The following CSPP1 variants were observed in gnomAD, a reference collection of about 807,000 sequenced individuals.
The protein encoded by CSPP1 is centrosome and spindle pole associated protein 1.
Under a neutral mutation model 164.4 loss-of-function variants are expected in CSPP1, and 126 were observed. The ratio of observed to expected loss-of-function variants is 0.77; its 90% CI spans 0.66 to 0.89. The LOEUF (loss-of-function observed/expected upper bound fraction) is 0.89. Ranked by LOEUF, CSPP1 falls within the 40% of genes least tolerant of loss-of-function variation. The pLI is 0.00. For missense variants in CSPP1, 1,395 were observed against 1,449.8 expected, an observed-to-expected ratio of 0.96 and a Z score of 0.61; for synonymous variants, 472 against 476.7, an observed-to-expected ratio of 0.99 and a Z score of 0.13.
chr8:67,085,473 A>C (rs2129543410), intron 3 of CSPP1, among the ~76,000 whole-genome samples: 1 of 152,236 alleles, frequency 6.6e-6, no homozygotes, highest in South Asian at 2.1e-4. Context: ...TGCTAAAAAA[A>C]ATCATGTTAT....
At chr8:67,184,485 C>G (rs1272234473) in intron 28 of CSPP1, among the ~76,000 whole-genome samples, 1 of 152,076 alleles carries the variant, frequency 6.6e-6, no homozygotes, top group Non-Finnish European at 1.5e-5. Flanking sequence ...CACCTGTAAT[C>G]CCAGTACTTT....
At chr8:67,163,640 C>G (rs1828787911) in intron 22 of CSPP1, 92 bp from the exon 23 acceptor site, 1 of 907,392 alleles carries the variant, frequency 1.1e-6, no homozygotes, top group Non-Finnish European at 1.7e-6. Context: ...GTTTGGTTTC[C>G]TTTACATATA....
At chr8:67,165,407 T>C (rs1209743553) in intron 24 of CSPP1, among the ~76,000 whole-genome samples, 1 of 152,238 alleles carries the variant, frequency 6.6e-6, no homozygotes, top group Non-Finnish European at 1.5e-5. Flanking sequence ...ATTAGAACAT[T>C]ACTATGAACT....
intron 11 of CSPP1, 170 bp downstream of exon 11, chr8:67,114,032 T>C (rs1341670930): frequency 2.1e-5 from 10 of 481,304 alleles, no homozygotes; most frequent in Non-Finnish European, 3.4e-5. Flanking sequence ...TTAACTGTTA[T>C]TTCCTTGAGG....
In CSPP1 at chr8:67,149,947, C is replaced by CT. The variant is rs11296619; in HGVS notation, c.2128+36dup. On this transcript the variant is annotated intron_variant, in intron 18 of 30. Transcript: ENST00000678616. ...AAATAAAAGCTCAGGTTTTTAATCA[C>CT]TTTTTTTTTTTTTTTTTTTTTTTTA... The CT allele has an allele frequency of 5.3e-3, 5,980 of 1,132,200 alleles. No homozygotes were observed. The highest frequency in any genetic ancestry group is 7.2e-3 in the South Asian group (328 of 45,452). The allele number at this position is 1,132,200 out of a possible 1,614,324, so 70.1% of individuals were successfully genotyped here. A position where few individuals can be genotyped will look rare whatever the true frequency, so the allele number is the denominator to read the frequency against.
At chr8:67,156,065 C>T (rs1017869738) in intron 19 of CSPP1, among the ~76,000 whole-genome samples, 2 of 152,240 alleles carry the variant, frequency 1.3e-5, no homozygotes, top group Admixed American at 6.5e-5. Flanking sequence ...TTAAGTACCT[C>T]CTCTAATGCT....
At chr8:67,107,907 G>A (rs865860499) in intron 9 of CSPP1, among the ~76,000 whole-genome samples, 3 of 148,864 alleles carry the variant, frequency 2.0e-5, no homozygotes, top group African/African-American at 7.4e-5. Flanking sequence ...TTGACTGCTC[G>A]TTTAAGCCTC....
intron 28 of CSPP1, among the ~76,000 whole-genome samples, chr8:67,187,541 C>T (rs921254387): frequency 2.0e-5 from 3 of 151,938 alleles, no homozygotes; most frequent in East Asian, 1.9e-4. Flanking sequence ...TTAAATTAGC[C>T]GATGTGGTGG....
chr8:67,172,470 A>G lies in CSPP1; in HGVS notation c.2883A>G (p.Gln961=). The G allele has an allele frequency of 6.2e-7, 1 of 1,613,294 alleles. No homozygotes were observed. Among genetic ancestry groups the G allele is most frequent in the South Asian group, 1.1e-5 (1 of 91,068 alleles). Residue 961 remains glutamine (Q), a synonymous_variant, in exon 25 of 31, where the codon CAA becomes CAG. Coordinates refer to ENST00000678616, the MANE Select transcript of CSPP1 (RefSeq NM_001382391.1). ...TTGATATGGCTAGACATCGGTTGCA[A>G]GCTCCTGTCAGAAGACAGTCCCCTA... is the stretch of plus-strand genomic sequence containing the variant. ...DIFDMARHRL[Q]APVRRQSPKG... is the part of the protein sequence containing the mutation.
rs550812549 is a variant in CSPP1 at position 67,158,737 on chromosome 8, A to G, written c.2391+141A>G. The G allele has an allele frequency of 1.1e-4, 124 of 1,167,424 alleles. 1 individual carries two copies. The African/African-American group carries it at 1.8e-3, about 17-fold the overall frequency. The allele number at this position is 1,167,424 out of a possible 1,614,324, so 72.3% of individuals were successfully genotyped here. A position where few individuals can be genotyped will look rare whatever the true frequency, so the allele number is the denominator to read the frequency against. On this transcript the variant is annotated intron_variant, in intron 20 of 30. Transcript: ENST00000678616. ...TCAGATCAATATACATTCTTTGGAT[A>G]TTATTTTATTAAGGTGAAAGGGTAA...
At chr8:67,174,426 T>C (rs968160455) in intron 25 of CSPP1, 5 of 152,188 alleles carry the variant, frequency 3.3e-5, no homozygotes, top group Admixed American at 6.5e-5. Flanking sequence ...TTTTCAAGGC[T>C]TTTTATATGT....
chr8:67,077,316 G>A (rs1344751562), intron 3 of CSPP1, among the ~76,000 whole-genome samples: 4 of 151,084 alleles, frequency 2.6e-5, no homozygotes, highest in Non-Finnish European at 5.9e-5. Context: ...ACCATGCCCA[G>A]TCTGTATGAA....
At chr8:67,160,441 G>A (rs1279159249) in intron 21 of CSPP1, among the ~76,000 whole-genome samples, 1 of 150,202 alleles carries the variant, frequency 6.7e-6, no homozygotes, top group Non-Finnish European at 1.5e-5. Flanking sequence ...CTCCAGCCTG[G>A]GTGACAGAGC....
intron 18 of CSPP1, 89 bp from the exon 19 acceptor site, chr8:67,153,935 T>G: frequency 1.7e-6 from 1 of 593,374 alleles, no homozygotes. Context: ...TTTTTAAAAA[T>G]GAATTTATTA....
chr8:67,129,206 A>G (rs1359831992), intron 15 of CSPP1, among the ~76,000 whole-genome samples: 1 of 152,168 alleles, frequency 6.6e-6, no homozygotes, highest in African/African-American at 2.4e-5. Flanking sequence ...AAAAACTTAC[A>G]TCATGTATTT....
At chr8:67,070,253 G>A (rs1470906573) in intron 1 of CSPP1, among the ~76,000 whole-genome samples, 1 of 151,816 alleles carries the variant, frequency 6.6e-6, no homozygotes, top group African/African-American at 2.4e-5. Flanking sequence ...ACGAGGTCAG[G>A]AGATTGAGAC....
At chr8:67,178,029 A>G (rs554415481) in intron 27 of CSPP1, among the ~76,000 whole-genome samples, 1 of 152,364 alleles carries the variant, frequency 6.6e-6, no homozygotes, top group African/African-American at 2.4e-5. Context: ...AAATGAGGAT[A>G]ATAGTACATA....
intron 17 of CSPP1, 22 bp downstream of exon 17, chr8:67,137,625 G>T: frequency 6.9e-7 from 1 of 1,458,380 alleles, no homozygotes; most frequent in Non-Finnish European, 9.1e-7. Flanking sequence ...CTACTGACTT[G>T]TTTTTAAAAT....
intron 8 of CSPP1, 91 bp downstream of exon 8, chr8:67,103,226 A>G (rs1814528502): frequency 5.7e-6 from 4 of 701,998 alleles, no homozygotes; most frequent in Non-Finnish European, 9.7e-6. Context: ...GTAGAAAGAT[A>G]CAGTAAATTA....
Sources: allele counts gnomAD v4.1 joint callset (sites outside exome capture counted in the v4.1 genomes callset), GRCh38; gene constraint gnomAD v4.1.1; transcripts MANE v1.5; gene names NCBI Gene and HGNC (gene_info 2026-07-23, HGNC 2026-07-21).